Variants in ZFHX4 observed in about 807,000 individuals in gnomAD.
ZFHX4 encodes zinc finger homeobox protein 4.
ZFHX4 carries 56 observed loss-of-function variants against 267.6 expected under a neutral mutation model. The observed-to-expected ratio is 0.21, with a 90% confidence interval of 0.17 to 0.26. The LOEUF is 0.26. Among genes scored for constraint, ZFHX4 ranks in the 10% least tolerant of loss-of-function variants. ZFHX4 has a pLI of 1.00. For missense variants in ZFHX4, 4,332 were observed against 4,420.0 expected (o/e 0.98, Z 0.56); for synonymous variants, 1,778 against 1,665.6 (o/e 1.07, Z -1.64).
chr8:76,863,174 C>G lies in ZFHX4; in HGVS notation c.9460C>G (p.Pro3154Ala). Residue 3154 changes from proline to alanine, a missense_variant, in exon 11 of 11, where the codon CCC (proline) becomes GCC (alanine). By Grantham distance (27) the Pro-to-Ala change is conservative. Transcript: ENST00000651372. Reference protein sequence around the residue: ...SSPALSLSSAPTKPLLQTPPP... With the variant: ...SSPALSLSSAATKPLLQTPPP... ...TCCTGCCCTGTCTCTCAGCAGTGCC[C>G]CCACCAAACCTTTGCTGCAGACTCC... 1.3e-6 allele frequency: 2 copies of G among 1,556,106 alleles called. No homozygotes were observed. Among genetic ancestry groups the G allele is most frequent in the Non-Finnish European group, 1.7e-6 (2 of 1,149,404 alleles).
At chr8:76,738,771 T>C (rs1809239535) in intron 3 of ZFHX4, among the ~76,000 whole-genome samples, 1 of 151,248 alleles carries the variant, frequency 6.6e-6, no homozygotes, top group Admixed American at 6.6e-5. Flanking sequence ...TCTTGCTCTG[T>C]CACCCAGGCT....
rs770926210 is a variant in ZFHX4, at chr8:76,829,150, G to A, written c.3326-4188G>A. The stretch of plus-strand genomic sequence containing the variant: ...ATCTAGTACAGGTTAAATTTATTCC[G>A]ATATCTGAATCTTATAATTCTCTGC... On this transcript the variant is annotated intron_variant, in intron 4 of 10. Transcript: ENST00000651372. 2.0e-5 allele frequency among the ~76,000 whole-genome samples: 3 copies of A among 151,782 alleles called. No homozygotes were observed. The East Asian group carries it at 5.8e-4, about 29-fold the overall frequency.
In ZFHX4 at chr8:76,797,918, GTC is replaced by G. The variant is rs1245149830; in HGVS notation, c.3325+19481_3325+19482del. Among the ~76,000 whole-genome samples the G allele has an allele frequency of 1.8e-3, 269 of 147,940 alleles. 1 individual carries two copies. Among genetic ancestry groups the G allele is most frequent in the African/African-American group, 5.9e-3 (229 of 38,684 alleles). On this transcript the variant is annotated intron_variant, in intron 4 of 10. Coordinates refer to ENST00000651372, the MANE Select transcript of ZFHX4 (RefSeq NM_024721.5). ...TGTGTGTGTGTGTGTGTGTGTGTGT[GTC>G]TGTGTGTCTGTGTGTATGTGTGTGT...
Position 76,835,439 on chromosome 8 carries a change from T to A in ZFHX4, c.3394+2033T>A, listed in dbSNP as rs147377112. Among the ~76,000 whole-genome samples, 322 of 151,678 alleles carry A rather than the reference T, an allele frequency of 2.1e-3. 1 individual carries two copies. The highest frequency in any genetic ancestry group is 7.4e-3 in the African/African-American group (308 of 41,402). On this transcript the variant is annotated intron_variant, in intron 5 of 10. Transcript: ENST00000651372. ...TTATCCAGCTGGAATAATAACCTGCTATATAGAACAATAAATGATTACCAA... is the reference window on the plus strand; with the variant it reads ...TTATCCAGCTGGAATAATAACCTGCAATATAGAACAATAAATGATTACCAA...
At chr8:76,803,711 C>G (rs1460309923) in intron 4 of ZFHX4, among the ~76,000 whole-genome samples, 2 of 151,908 alleles carry the variant, frequency 1.3e-5, no homozygotes, top group Non-Finnish European at 2.9e-5. Flanking sequence ...CACCTGAAGT[C>G]AATATAAATA....
At chr8:76,715,467 A>T (rs1356085691) in intron 3 of ZFHX4, among the ~76,000 whole-genome samples, 2 of 146,016 alleles carry the variant, frequency 1.4e-5, no homozygotes, top group African/African-American at 5.2e-5. Context: ...GGGCAACAGA[A>T]CAAGACTCCA....
rs924986105 is a variant in ZFHX4 at position 76,864,798 on chromosome 8, G to GA, written c.*242dup. The GA allele has an allele frequency of 7.4e-4, 220 of 298,378 alleles. No individual in the cohort carries two copies. Among genetic ancestry groups the GA allele is most frequent in the South Asian group, 1.3e-3 (10 of 7,952 alleles). 18.5% of individuals were successfully genotyped at this position (298,378 alleles called of 1,614,324 possible). A position where few individuals can be genotyped will look rare whatever the true frequency, so the allele number is the denominator to read the frequency against. ...TACTATATGCTAAAATATGGAAAAG[G>GA]AAAAAAAAATCTCACAAGTTCTTTT... On this transcript the variant is annotated 3_prime_UTR_variant, in exon 11 of 11. Coordinates refer to ENST00000651372, the MANE Select transcript of ZFHX4 (RefSeq NM_024721.5).
intron 4 of ZFHX4, among the ~76,000 whole-genome samples, chr8:76,824,558 A>G (rs1238956424): frequency 6.6e-6 from 1 of 152,108 alleles, no homozygotes; most frequent in Non-Finnish European, 1.5e-5. Flanking sequence ...ATTCTGTCAC[A>G]GTAATTTTAG....
In ZFHX4 at chr8:76,721,274, A is replaced by C. The variant is rs146515493; in HGVS notation, c.3093+13226A>C. On this transcript the variant is annotated intron_variant, in intron 3 of 10. Coordinates refer to ENST00000651372, the MANE Select transcript of ZFHX4 (RefSeq NM_024721.5). ...TATTTGGTTCATACTATGTTCTTTGAAAAACATCTACAAACTGAATTTGCT... is the reference window on the plus strand; with the variant it reads ...TATTTGGTTCATACTATGTTCTTTGCAAAACATCTACAAACTGAATTTGCT... 2.1e-4 allele frequency among the ~76,000 whole-genome samples: 32 copies of C among 152,314 alleles called. 1 individual carries two copies. In the East Asian group the frequency reaches 6.0e-3, roughly 28 times the overall value.
intron 4 of ZFHX4, among the ~76,000 whole-genome samples, chr8:76,815,088 G>A (rs1300005531): frequency 2.0e-5 from 3 of 152,136 alleles, no homozygotes; most frequent in Non-Finnish European, 2.9e-5. Context: ...GTTATAAGAG[G>A]TAGGTCTAGC....
chr8:76,757,179 T>A (rs1404056888), intron 3 of ZFHX4, among the ~76,000 whole-genome samples: 1 of 152,112 alleles, frequency 6.6e-6, no homozygotes, highest in Admixed American at 6.5e-5. Context: ...ATACACAACA[T>A]GTCTGTTCTA....
chr8:76,712,617 A>T lies in ZFHX4; in HGVS notation c.3093+4569A>T, dbSNP rs538700665. On this transcript the variant is annotated intron_variant, in intron 3 of 10. Transcript: ENST00000651372. The stretch of plus-strand genomic sequence containing the variant: ...ACATAAAAGTCATTGTGTGAAAAAA[A>T]ATTGGAATATGTGTGTGTATCTAAG... 9.4e-4 allele frequency among the ~76,000 whole-genome samples: 143 copies of T among 152,304 alleles called. 4 individuals are homozygous for T. The South Asian group carries it at 0.028, about 30-fold the overall frequency.
chr8:76,753,669 C>T (rs1265379510), intron 3 of ZFHX4, among the ~76,000 whole-genome samples: 1 of 138,702 alleles, frequency 7.2e-6, no homozygotes, highest in Non-Finnish European at 1.5e-5. Context: ...GGGTCTCACA[C>T]TGTCACCAAG....
chr8:76,783,486 T>TA (rs1352302740), intron 4 of ZFHX4, among the ~76,000 whole-genome samples: 1 of 152,016 alleles, frequency 6.6e-6, no homozygotes, highest in African/African-American at 2.4e-5. Flanking sequence ...TTTCTTTTTT[T>TA]AAAAAAGTAC....
In ZFHX4 at chr8:76,854,779, C is replaced by T; in HGVS notation, c.7858C>T (p.Leu2620Phe). The change falls in exon 10 of 11, where the codon CTC becomes TTC. Residue 2620 changes from leucine to phenylalanine, a missense_variant. Coordinates refer to ENST00000651372, the MANE Select transcript of ZFHX4 (RefSeq NM_024721.5). ...GATCACCCCGGAACAGCTGGAAATACTCTATGAAAAATACTTGCTGGATTC... is the reference window on the plus strand; with the variant it reads ...GATCACCCCGGAACAGCTGGAAATATTCTATGAAAAATACTTGCTGGATTC... ...TTITPEQLEI[L>F]YEKYLLDSNP... The T allele has an allele frequency of 6.2e-7, 1 of 1,610,844 alleles. No individual in the cohort carries two copies. The highest frequency in any genetic ancestry group is 8.5e-7 in the Non-Finnish European group (1 of 1,178,692).
chr8:76,857,166 A>G (rs920001089), intron 10 of ZFHX4, among the ~76,000 whole-genome samples: 1 of 152,108 alleles, frequency 6.6e-6, no homozygotes, highest in Non-Finnish European at 1.5e-5. Context: ...ATTATGTTAA[A>G]GAAATGGAAT....
intron 3 of ZFHX4, among the ~76,000 whole-genome samples, chr8:76,714,653 C>T (rs1192673163): frequency 6.6e-6 from 1 of 152,214 alleles, no homozygotes; most frequent in Admixed American, 6.5e-5. Flanking sequence ...CAGACGATAT[C>T]TCAATTTTTA....
chr8:76,760,254 C>A (rs1809874447), intron 3 of ZFHX4, among the ~76,000 whole-genome samples: 1 of 152,162 alleles, frequency 6.6e-6, no homozygotes, highest in South Asian at 2.1e-4. Flanking sequence ...AGGTCAGTAT[C>A]TTGGCATCCC....
chr8:76,833,558 T>G, intron 5 of ZFHX4, 152 bp downstream of exon 5: 1 of 592,302 alleles, frequency 1.7e-6, no homozygotes, highest in Non-Finnish European at 2.9e-6. Context: ...CAAAATGAAA[T>G]AAATTCAATA....
Sources: gnomAD v4.1 joint callset for allele counts (sites outside exome capture counted in the v4.1 genomes callset) on GRCh38, gnomAD v4.1.1 for gene constraint, MANE v1.5 for transcripts, NCBI Gene and HGNC (gene_info 2026-07-23, HGNC 2026-07-21) for gene names.